The following RGS17 variants were observed in gnomAD, a reference collection of about 807,000 sequenced individuals.
The protein encoded by RGS17 is regulator of G-protein signaling 17.
A neutral mutation model predicts 25.5 loss-of-function variants in RGS17; 12 were observed. The observed-to-expected ratio is 0.47, with a 90% CI of 0.30 to 0.76. The LOEUF is 0.76. Ranked by LOEUF, RGS17 falls within the 30% of genes least tolerant of loss-of-function variation. The pLI, the probability that RGS17 is intolerant of heterozygous loss-of-function variation, is 0.07. For missense variants in RGS17, 196 were observed against 242.2 expected (o/e 0.81, Z 1.27); for synonymous variants, 71 against 76.9 (o/e 0.92, Z 0.40).
chr6:153,119,068 CA>C (rs1584166942), intron 1 of RGS17, among the ~76,000 whole-genome samples: 1 of 152,280 alleles, frequency 6.6e-6, no homozygotes, highest in African/African-American at 2.4e-5. Flanking sequence ...CATGCCCATT[CA>C]TGCAGATATG....
intron 1 of RGS17, among the ~76,000 whole-genome samples, chr6:153,120,990 G>A (rs73785759): frequency 0.021 from 3,181 of 151,682 alleles, 109 homozygotes; most frequent in African/African-American, 0.071. Context: ...TTCTCTCCTA[G>A]AATATAATAA....
chr6:153,111,651 CA>C (rs1777470780), intron 1 of RGS17, among the ~76,000 whole-genome samples: 2 of 152,230 alleles, frequency 1.3e-5, no homozygotes, highest in South Asian at 2.1e-4. Context: ...GACTGGGAGA[CA>C]CCTCCCAGCA....
At chr6:153,107,946 G>A (rs1251322132) in intron 1 of RGS17, among the ~76,000 whole-genome samples, 5 of 152,072 alleles carry the variant, frequency 3.3e-5, no homozygotes, top group African/African-American at 1.2e-4. Flanking sequence ...TTGTGTATAT[G>A]TCATTTAAAA....
At chr6:153,064,115 G>C (rs1473141071) in intron 1 of RGS17, among the ~76,000 whole-genome samples, 1 of 152,100 alleles carries the variant, frequency 6.6e-6, no homozygotes, top group African/African-American at 2.4e-5. Context: ...CAATCAGAAA[G>C]AAAAGGAAGT....
At chr6:153,054,475 A>G (rs1455213537) in intron 1 of RGS17, among the ~76,000 whole-genome samples, 1 of 151,568 alleles carries the variant, frequency 6.6e-6, no homozygotes, top group Non-Finnish European at 1.5e-5. Context: ...ACATGGTGAA[A>G]CCCCATCTCT....
intron 2 of RGS17, among the ~76,000 whole-genome samples, chr6:153,031,765 T>C (rs952161942): frequency 1.3e-5 from 2 of 152,198 alleles, no homozygotes; most frequent in Non-Finnish European, 2.9e-5. Flanking sequence ...ACATTGAGTA[T>C]AAATGCCCTC....
chr6:153,024,027 GA>G (rs994152920), intron 4 of RGS17, among the ~76,000 whole-genome samples: 10 of 152,278 alleles, frequency 6.6e-5, no homozygotes, highest in African/African-American at 2.2e-4. Flanking sequence ...TGTTAGTTCT[GA>G]AAAGCAAGTG....
intron 1 of RGS17, among the ~76,000 whole-genome samples, chr6:153,088,802 T>C (rs1289122167): frequency 6.6e-6 from 1 of 152,148 alleles, no homozygotes; most frequent in African/African-American, 2.4e-5. Context: ...TTTGGGGGTA[T>C]ATCCAAAATA....
Position 153,007,587 on chromosome 6 carries a change from T to C in RGS17, c.*3987A>G, listed in dbSNP as rs1355335979. 2 of 151,682 alleles carry C rather than the reference T, an allele frequency of 1.3e-5. No homozygotes were observed. Among genetic ancestry groups the C allele is most frequent in the Admixed American group, 1.3e-4 (2 of 15,216 alleles). 9.4% of individuals were successfully genotyped at this position (151,682 alleles called of 1,614,324 possible). On this transcript the variant is annotated 3_prime_UTR_variant, in exon 5 of 5. Coordinates refer to ENST00000206262, the MANE Select transcript of RGS17 (RefSeq NM_012419.5). ...TTCTGTCTAAGACTTAAAAATATTA[T>C]TATTATAATTATTATTATTATTTTG...
intron 1 of RGS17, among the ~76,000 whole-genome samples, chr6:153,107,550 A>AAT (rs1554244651): frequency 1.1e-4 from 17 of 151,978 alleles, no homozygotes; most frequent in East Asian, 1.9e-4. Context: ...GTAAAAAAAA[A>AAT]ATTCAAGTAC....
At chr6:153,078,701 G>T (rs540421289) in intron 1 of RGS17, among the ~76,000 whole-genome samples, 1 of 151,640 alleles carries the variant, frequency 6.6e-6, no homozygotes, top group African/African-American at 2.4e-5. Context: ...TATACTTTTA[G>T]CAACTTTATT....
chr6:153,079,901 T>C (rs971975818), intron 1 of RGS17, among the ~76,000 whole-genome samples: 3 of 152,192 alleles, frequency 2.0e-5, no homozygotes, highest in African/African-American at 7.2e-5. Flanking sequence ...AACCAGTTAT[T>C]TGGACCTTAT....
At chr6:153,061,834 C>A (rs1042544211) in intron 1 of RGS17, among the ~76,000 whole-genome samples, 3 of 152,136 alleles carry the variant, frequency 2.0e-5, no homozygotes, top group African/African-American at 7.2e-5. Context: ...TTTTGTACTT[C>A]ATAATACCTG....
At chr6:153,128,942 A>G (rs1408573384) in intron 1 of RGS17, among the ~76,000 whole-genome samples, 1 of 152,188 alleles carries the variant, frequency 6.6e-6, no homozygotes. Flanking sequence ...TTGCGGAACT[A>G]TAGCAAAAAG....
At chr6:153,084,827 C>A (rs1777031115) in intron 1 of RGS17, among the ~76,000 whole-genome samples, 1 of 152,160 alleles carries the variant, frequency 6.6e-6, no homozygotes. Context: ...GAACAAGGAA[C>A]TGAGAGATGC....
intron 1 of RGS17, among the ~76,000 whole-genome samples, chr6:153,064,387 T>C (rs1170645204): frequency 6.6e-6 from 1 of 152,086 alleles, no homozygotes; most frequent in African/African-American, 2.4e-5. Flanking sequence ...TCCCAGCACT[T>C]TGGGAGGCTG....
Position 153,005,039 on chromosome 6 carries a change from C to T in RGS17, c.*6535G>A, listed in dbSNP as rs914346103. 6 of 152,104 alleles carry T rather than the reference C, an allele frequency of 3.9e-5. No homozygotes were observed. Among genetic ancestry groups the T allele is most frequent in the African/African-American group, 1.4e-4 (6 of 41,426 alleles). 9.4% of individuals were successfully genotyped at this position (152,104 alleles called of 1,614,324 possible). ...TTAGCAAACATTTAAAAATCATATA[C>T]AAGAAAGGTGTTTATGACAAATCGG... On this transcript the variant is annotated 3_prime_UTR_variant, in exon 5 of 5. Transcript: ENST00000206262.
In RGS17 at chr6:153,042,975, C is replaced by T. The variant is rs537470374; in HGVS notation, c.119+925G>A. Among the ~76,000 whole-genome samples the T allele has an allele frequency of 2.6e-4, 40 of 152,300 alleles. No homozygotes were observed. In the South Asian group the frequency reaches 8.1e-3, roughly 31 times the overall value. On this transcript the variant is annotated intron_variant, in intron 2 of 4. Coordinates refer to ENST00000206262, the MANE Select transcript of RGS17 (RefSeq NM_012419.5). ...AAGACCACTGCTGGGCTAGAAGATC[C>T]ACTTGTAAACTGTATGTTAAAAGAC...
At chr6:153,012,262 A>C (rs1267676233) in intron 4 of RGS17, among the ~76,000 whole-genome samples, 1 of 152,186 alleles carries the variant, frequency 6.6e-6, no homozygotes, top group Non-Finnish European at 1.5e-5. Flanking sequence ...AAAAGTAGGA[A>C]ACCAAGAGTG....
Sources: gnomAD v4.1 joint callset for allele counts (sites outside exome capture counted in the v4.1 genomes callset) on GRCh38, gnomAD v4.1.1 for gene constraint, MANE v1.5 for transcripts, NCBI Gene and HGNC (gene_info 2026-07-23, HGNC 2026-07-21) for gene names.